NRXN3: variants seen among roughly 807,000 people sequenced by gnomAD.
The protein encoded by NRXN3 is neurexin 3.
Under a neutral mutation model 137.6 loss-of-function variants are expected in NRXN3, and 32 were observed. That is an observed-to-expected ratio of 0.23 (90% CI 0.18 to 0.31). NRXN3 has a LOEUF of 0.31. Ranked by LOEUF, NRXN3 falls within the 10% of genes least tolerant of loss-of-function variation. The pLI, the probability that NRXN3 is intolerant of heterozygous loss-of-function variation, is 1.00. For missense variants in NRXN3, 1,574 were observed against 2,062.5 expected (o/e 0.76, Z 4.59); for synonymous variants, 798 against 784.5 (o/e 1.02, Z -0.29).
intron 4 of NRXN3, among the ~76,000 whole-genome samples, chr14:78,453,424 A>G (rs1323555872): frequency 6.6e-6 from 1 of 152,226 alleles, no homozygotes; most frequent in African/African-American, 2.4e-5. Context: ...GCCCAGGTCT[A>G]CTTTATGCCA....
chr14:79,538,726 G>T (rs191786424), intron 16 of NRXN3, among the ~76,000 whole-genome samples: 3 of 152,040 alleles, frequency 2.0e-5, no homozygotes, highest in Non-Finnish European at 2.9e-5. Context: ...TTTGCCAATC[G>T]CAGCCACTTT....
At chr14:78,904,820 A>G (rs1232895303) in intron 10 of NRXN3, among the ~76,000 whole-genome samples, 1 of 148,686 alleles carries the variant, frequency 6.7e-6, no homozygotes, top group East Asian at 2.0e-4. Flanking sequence ...GTCTCCAATC[A>G]GTTACTGAAT....
At chr14:79,148,814 A>G (rs926091001) in intron 15 of NRXN3, among the ~76,000 whole-genome samples, 1 of 152,044 alleles carries the variant, frequency 6.6e-6, no homozygotes, top group Admixed American at 6.5e-5. Flanking sequence ...ATTTCTTAGC[A>G]TTCTTCTCCT....
intron 4 of NRXN3, among the ~76,000 whole-genome samples, chr14:78,408,902 C>T (rs1483917957): frequency 1.3e-5 from 2 of 152,212 alleles, no homozygotes; most frequent in Non-Finnish European, 2.9e-5. Flanking sequence ...ATAGCTTCTA[C>T]CTGACTTGTT....
intron 16 of NRXN3, among the ~76,000 whole-genome samples, chr14:79,625,919 G>C (rs953900329): frequency 3.3e-5 from 5 of 152,148 alleles, no homozygotes; most frequent in African/African-American, 1.2e-4. Context: ...TAGAAAACAG[G>C]AGTGATGCAT....
intron 2 of NRXN3, chr14:78,250,109 G>T (rs2068362279): frequency 1.9e-6 from 1 of 516,596 alleles, no homozygotes; most frequent in South Asian, 1.4e-5. Flanking sequence ...AGGAAGCTCG[G>T]GGCAAGAGGT....
At chr14:79,077,125 C>T (rs1399425415) in intron 15 of NRXN3, among the ~76,000 whole-genome samples, 1 of 152,120 alleles carries the variant, frequency 6.6e-6, no homozygotes, top group Non-Finnish European at 1.5e-5. Flanking sequence ...TGAAGCAGAC[C>T]TAGAATTACC....
At chr14:79,109,372 G>A (rs914676720) in intron 15 of NRXN3, among the ~76,000 whole-genome samples, 7 of 152,048 alleles carry the variant, frequency 4.6e-5, no homozygotes, top group Non-Finnish European at 1.5e-5. Flanking sequence ...TTTATTTGTT[G>A]TATTCTGTAG....
chr14:78,760,686 A>AT (rs1283931020), intron 8 of NRXN3, among the ~76,000 whole-genome samples: 9 of 151,958 alleles, frequency 5.9e-5, no homozygotes, highest in Non-Finnish European at 1.0e-4. Flanking sequence ...CCAGGTTTGC[A>AT]TAAACCATGG....
At chr14:78,441,562 T>C (rs1169349149) in intron 4 of NRXN3, among the ~76,000 whole-genome samples, 1 of 151,216 alleles carries the variant, frequency 6.6e-6, no homozygotes, top group Non-Finnish European at 1.5e-5. Flanking sequence ...CACAGTACAG[T>C]ATCACACCAT....
chr14:78,621,907 CA>C (rs1219436011), intron 4 of NRXN3, among the ~76,000 whole-genome samples: 1 of 152,048 alleles, frequency 6.6e-6, no homozygotes, highest in Non-Finnish European at 1.5e-5. Flanking sequence ...AAGCATATAC[CA>C]AAATGATTTA....
intron 15 of NRXN3, among the ~76,000 whole-genome samples, chr14:79,200,599 T>C (rs779009633): frequency 2.0e-5 from 3 of 152,102 alleles, no homozygotes; most frequent in South Asian, 2.1e-4. Flanking sequence ...TAGAAACACA[T>C]CTCTGGGAAG....
chr14:78,948,353 G>A (rs1163561046), intron 10 of NRXN3, among the ~76,000 whole-genome samples: 1 of 152,116 alleles, frequency 6.6e-6, no homozygotes, highest in African/African-American at 2.4e-5. Flanking sequence ...TTACCCCTAG[G>A]GTATTCTTGC....
At chr14:78,321,520 T>A (rs1002344549) in intron 4 of NRXN3, among the ~76,000 whole-genome samples, 6 of 152,078 alleles carry the variant, frequency 3.9e-5, no homozygotes, top group Non-Finnish European at 8.8e-5. Context: ...GAGGGCACAA[T>A]GAGTAGTTGT....
chr14:79,686,312 A>T (rs2154020716), intron 17 of NRXN3, among the ~76,000 whole-genome samples: 1 of 152,260 alleles, frequency 6.6e-6, no homozygotes, highest in East Asian at 1.9e-4. Flanking sequence ...GCACAGGCAG[A>T]GGCTAGAGCT....
chr14:78,419,961 G>GCGCGCACACACACACACACACA (rs1555518606), intron 4 of NRXN3, among the ~76,000 whole-genome samples: 27 of 49,238 alleles, frequency 5.5e-4, no homozygotes, highest in African/African-American at 1.2e-3. Flanking sequence ...GCGCGCGCAC[G>GCGCGCACACACACACACACACA]CACACACACA....
intron 16 of NRXN3, among the ~76,000 whole-genome samples, chr14:79,483,354 G>A (rs1230774333): frequency 2.0e-5 from 3 of 152,088 alleles, no homozygotes; most frequent in South Asian, 2.1e-4. Context: ...GAACATAGAC[G>A]GCATGATAGG....
intron 8 of NRXN3, among the ~76,000 whole-genome samples, 200 bp from the exon 9 acceptor site, chr14:78,803,420 G>A (rs1300730284): frequency 1.3e-5 from 2 of 152,182 alleles, no homozygotes; most frequent in African/African-American, 2.4e-5. Context: ...CCTTACAAAT[G>A]AGGAAATAGA....
chr14:79,484,141 G>A (rs992014893), intron 16 of NRXN3, among the ~76,000 whole-genome samples: 1 of 152,188 alleles, frequency 6.6e-6, no homozygotes, highest in African/African-American at 2.4e-5. Context: ...AGCGGCATGA[G>A]AGCATCTAAA....
Sources: gnomAD v4.1 joint callset for allele counts (sites outside exome capture counted in the v4.1 genomes callset) on GRCh38, gnomAD v4.1.1 for gene constraint, MANE v1.5 for transcripts, NCBI Gene and HGNC (gene_info 2026-07-23, HGNC 2026-07-21) for gene names.